Variants in UVRAG observed in about 807,000 individuals in gnomAD.
UVRAG encodes UV radiation resistance-associated gene protein.
In UVRAG, 19 loss-of-function variants were observed where a neutral mutation model predicts 78.0. The ratio of observed to expected loss-of-function variants is 0.24; its 90% CI spans 0.17 to 0.36. The LOEUF (loss-of-function observed/expected upper bound fraction) is 0.36, where lower values mean the gene tolerates loss of function less well. Ranked by LOEUF, UVRAG falls within the 10% of genes least tolerant of loss-of-function variation. The pLI is 1.00. For missense variants in UVRAG, 740 were observed against 853.8 expected, an observed-to-expected ratio of 0.87 and a Z score of 1.66; for synonymous variants, 323 against 324.6, an observed-to-expected ratio of 1.00 and a Z score of 0.05.
intron 6 of UVRAG, among the ~76,000 whole-genome samples, chr11:75,959,947 C>G (rs1948878078): frequency 1.3e-5 from 2 of 152,180 alleles, no homozygotes; most frequent in African/African-American, 2.4e-5. Flanking sequence ...GTAGAGCAGT[C>G]AGAACACAAA....
intron 5 of UVRAG, among the ~76,000 whole-genome samples, chr11:75,902,826 A>G (rs1000239903): frequency 9.9e-5 from 15 of 152,172 alleles, no homozygotes; most frequent in African/African-American, 2.4e-4. Context: ...GGGTCACTGC[A>G]GTAGTTTCCT....
intron 7 of UVRAG, among the ~76,000 whole-genome samples, chr11:75,970,602 G>A (rs535375689): frequency 3.0e-4 from 46 of 151,996 alleles, no homozygotes; most frequent in African/African-American, 1.0e-3. Flanking sequence ...GCGTGGTCGC[G>A]GGCGCCTGTA....
At chr11:76,047,669 T>C (rs1226991294) in intron 12 of UVRAG, among the ~76,000 whole-genome samples, 1 of 152,258 alleles carries the variant, frequency 6.6e-6, no homozygotes. Flanking sequence ...GTTATCTTTT[T>C]TGAGGCACTA....
chr11:75,921,121 AG>A (rs1947971504), intron 6 of UVRAG, among the ~76,000 whole-genome samples: 1 of 152,228 alleles, frequency 6.6e-6, no homozygotes, highest in South Asian at 2.1e-4. Flanking sequence ...TCTGAGTCAA[AG>A]GGTATGTATT....
intron 7 of UVRAG, among the ~76,000 whole-genome samples, chr11:75,966,204 A>G (rs952058109): frequency 6.6e-6 from 1 of 152,106 alleles, no homozygotes; most frequent in African/African-American, 2.4e-5. Context: ...GAATAAACCT[A>G]AATTGATTAT....
chr11:76,134,787 ATTAC>A (rs957096640), intron 14 of UVRAG, among the ~76,000 whole-genome samples: 1 of 152,184 alleles, frequency 6.6e-6, no homozygotes, highest in African/African-American at 2.4e-5. Context: ...TATTTTATTT[ATTAC>A]TTACTGTAGT....
intron 8 of UVRAG, among the ~76,000 whole-genome samples, chr11:75,992,291 A>G (rs1204713892): frequency 6.6e-6 from 1 of 152,184 alleles, no homozygotes; most frequent in Non-Finnish European, 1.5e-5. Flanking sequence ...CTATTTTATC[A>G]TGGAGAGAAA....
intron 14 of UVRAG, among the ~76,000 whole-genome samples, chr11:76,124,216 TTATTATTAAGTATTA>T (rs1405396332): frequency 6.6e-6 from 1 of 152,236 alleles, no homozygotes; most frequent in Non-Finnish European, 1.5e-5. Flanking sequence ...TTGTTTTTGA[TTATTATTAAGTATTA>T]AAGAATTTGA....
At chr11:76,045,623 A>G (rs1950737041) in intron 12 of UVRAG, among the ~76,000 whole-genome samples, 1 of 151,922 alleles carries the variant, frequency 6.6e-6, no homozygotes, top group South Asian at 2.1e-4. Context: ...TTTAGAAAAG[A>G]TGAAGCGTGG....
At chr11:75,890,581 G>A (rs1354605921) in intron 5 of UVRAG, among the ~76,000 whole-genome samples, 2 of 152,216 alleles carry the variant, frequency 1.3e-5, no homozygotes, top group East Asian at 3.8e-4. Context: ...TGTGAGTTGC[G>A]ATTTGATCCT....
At chr11:75,869,054 T>C (rs1007078483) in intron 3 of UVRAG, among the ~76,000 whole-genome samples, 9 of 152,230 alleles carry the variant, frequency 5.9e-5, no homozygotes, top group Middle Eastern at 3.2e-3. Flanking sequence ...AGCTAAGAGA[T>C]ATGCTTGTTT....
At chr11:76,095,470 A>C (rs1014716321) in intron 13 of UVRAG, among the ~76,000 whole-genome samples, 12 of 151,668 alleles carry the variant, frequency 7.9e-5, no homozygotes, top group African/African-American at 2.7e-4. Flanking sequence ...TTAAATTTAC[A>C]TATGTAAAAA....
intron 14 of UVRAG, among the ~76,000 whole-genome samples, chr11:76,139,417 G>A (rs936502847): frequency 6.6e-6 from 1 of 152,200 alleles, no homozygotes; most frequent in African/African-American, 2.4e-5. Flanking sequence ...AGGGCCTACT[G>A]GTCTTGCATC....
intron 12 of UVRAG, among the ~76,000 whole-genome samples, chr11:76,049,492 G>A (rs1591176612): frequency 6.6e-6 from 1 of 152,252 alleles, no homozygotes; most frequent in East Asian, 1.9e-4. Context: ...CTGATTTGTG[G>A]GGAGAAGAAA....
intron 5 of UVRAG, among the ~76,000 whole-genome samples, chr11:75,910,265 G>A (rs1947706566): frequency 2.0e-5 from 3 of 152,054 alleles, no homozygotes; most frequent in Admixed American, 2.0e-4. Flanking sequence ...ACATGTATGT[G>A]GTGCTTATTA....
At chr11:75,952,356 G>T (rs532163318) in intron 6 of UVRAG, among the ~76,000 whole-genome samples, 3 of 152,080 alleles carry the variant, frequency 2.0e-5, no homozygotes, top group East Asian at 3.9e-4. Flanking sequence ...CCTTGTTTTT[G>T]ATTGTAAGTA....
intron 14 of UVRAG, among the ~76,000 whole-genome samples, chr11:76,130,853 C>T (rs1952500143): frequency 6.6e-6 from 1 of 152,092 alleles, no homozygotes; most frequent in Non-Finnish European, 1.5e-5. Flanking sequence ...ATTTCCCTAT[C>T]GAGTTCCTTC....
intron 8 of UVRAG, among the ~76,000 whole-genome samples, chr11:75,997,985 G>T (rs549142911): frequency 6.6e-6 from 1 of 152,302 alleles, no homozygotes; most frequent in East Asian, 1.9e-4. Context: ...GTAGAAAGTT[G>T]CAGTAGAACT....
Position 76,142,786 on chromosome 11 carries a change from A to C in UVRAG, c.*1373A>C, listed in dbSNP as rs1236257688. 1 of 152,258 alleles carries C rather than the reference A, an allele frequency of 6.6e-6. No homozygotes were observed. Among genetic ancestry groups the C allele is most frequent in the East Asian group, 1.9e-4 (1 of 5,198 alleles). 9.4% of individuals were successfully genotyped at this position (152,258 alleles called of 1,614,324 possible). A position where few individuals can be genotyped will look rare whatever the true frequency, so the allele number is the denominator to read the frequency against. ...AGGCTGTTGACTTCATTCAGTTTGC[A>C]TATTGTATATAGCAACACAAACACT... On this transcript the variant is annotated 3_prime_UTR_variant, in exon 15 of 15. Coordinates refer to ENST00000356136, the MANE Select transcript of UVRAG (RefSeq NM_003369.4).
Sources: allele counts gnomAD v4.1 joint callset (sites outside exome capture counted in the v4.1 genomes callset), GRCh38; gene constraint gnomAD v4.1.1; transcripts MANE v1.5; gene names NCBI Gene and HGNC (gene_info 2026-07-23, HGNC 2026-07-21).